The following SHISA9 variants were observed in gnomAD, a reference collection of about 807,000 sequenced individuals.
The protein encoded by SHISA9 is protein shisa-9.
SHISA9 carries 13 observed loss-of-function variants against 38.0 expected under a neutral mutation model. The ratio of observed to expected loss-of-function variants is 0.34; its 90% CI spans 0.22 to 0.54. The LOEUF (loss-of-function observed/expected upper bound fraction) is 0.54. Ranked by LOEUF, SHISA9 falls within the 20% of genes least tolerant of loss-of-function variation. The pLI, the probability that SHISA9 is intolerant of heterozygous loss-of-function variation, is 0.91. For synonymous variants in SHISA9, 275 were observed against 242.0 expected (o/e 1.14, Z -1.27); for missense variants, 538 against 575.8 (o/e 0.93, Z 0.67).
In SHISA9 at chr16:13,017,654, A is replaced by C. The variant is rs144718829; in HGVS notation, c.691+100839A>C. Among the ~76,000 whole-genome samples, 95 of 152,290 alleles carry C rather than the reference A, an allele frequency of 6.2e-4. 1 individual carries two copies. Among genetic ancestry groups the C allele is most frequent in the African/African-American group, 2.2e-3 (93 of 41,564 alleles). On this transcript the variant is annotated intron_variant, in intron 2 of 4. Coordinates refer to ENST00000558583, the MANE Select transcript of SHISA9 (RefSeq NM_001145204.3). The stretch of plus-strand genomic sequence containing the variant: ...CCATGGATTATCTCATTGAATCTTT[A>C]TTCAGTGTAGGTTATACATTATCCC...
the SHISA9 span, among the ~76,000 whole-genome samples, chr16:13,471,352 A>G: frequency 6.6e-6 from 1 of 152,198 alleles, no homozygotes; most frequent in Non-Finnish European, 1.5e-5. Context: ...ATTTATTAAC[A>G]TCCAAGCAAA....
chr16:13,188,652 G>A (rs890317224), intron 2 of SHISA9, among the ~76,000 whole-genome samples: 1 of 150,292 alleles, frequency 6.7e-6, no homozygotes, highest in East Asian at 2.0e-4. Context: ...AGGAAGTCGA[G>A]GGTGCTGTGA....
chr16:13,140,429 G>A (rs554912700), intron 2 of SHISA9, among the ~76,000 whole-genome samples: 11 of 152,018 alleles, frequency 7.2e-5, no homozygotes, highest in African/African-American at 2.2e-4. Flanking sequence ...CACCTGCCTT[G>A]GCCTCCCAAA....
the SHISA9 span, among the ~76,000 whole-genome samples, chr16:13,412,631 CTGAT>C: frequency 6.6e-6 from 1 of 151,996 alleles, no homozygotes; most frequent in Non-Finnish European, 1.5e-5. Flanking sequence ...CTGAGGCAGA[CTGAT>C]TGCTTGAGCC....
intron 2 of SHISA9, among the ~76,000 whole-genome samples, chr16:13,092,592 T>A (rs956069439): frequency 1.3e-5 from 2 of 152,226 alleles, no homozygotes; most frequent in African/African-American, 2.4e-5. Flanking sequence ...TGCGCTAGCA[T>A]TGAGCAAGGC....
At chr16:13,498,247 A>T in the SHISA9 span, among the ~76,000 whole-genome samples, 14 of 152,258 alleles carry the variant, frequency 9.2e-5, no homozygotes, top group South Asian at 2.1e-4. Flanking sequence ...ATAAACAAAA[A>T]TTTTTTTAAA....
chr16:13,558,884 G>T, the SHISA9 span, among the ~76,000 whole-genome samples: 1 of 152,140 alleles, frequency 6.6e-6, no homozygotes, highest in Non-Finnish European at 1.5e-5. Flanking sequence ...CATTTTTCAG[G>T]GCTCTGCACA....
At chr16:13,387,215 C>G in the SHISA9 span, among the ~76,000 whole-genome samples, 1 of 152,144 alleles carries the variant, frequency 6.6e-6, no homozygotes, top group African/African-American at 2.4e-5. Flanking sequence ...TGTTGGAGCC[C>G]TAATTCCTAG....
intron 2 of SHISA9, among the ~76,000 whole-genome samples, chr16:12,960,099 T>C (rs777303290): frequency 2.8e-4 from 42 of 152,190 alleles, no homozygotes; most frequent in Non-Finnish European, 5.6e-4. Context: ...ACTTGCGTGG[T>C]GTGCTCATTT....
At chr16:13,504,652 T>C in the SHISA9 span, among the ~76,000 whole-genome samples, 1 of 152,192 alleles carries the variant, frequency 6.6e-6, no homozygotes, top group African/African-American at 2.4e-5. Context: ...ACAGAGGAAT[T>C]TGAGTTCTGT....
chr16:13,518,981 T>C, the SHISA9 span, among the ~76,000 whole-genome samples: 6 of 152,294 alleles, frequency 3.9e-5, no homozygotes, highest in East Asian at 5.8e-4. Context: ...AGAGCACTCA[T>C]GGGCTGATCG....
At chr16:13,261,203 C>G in the SHISA9 span, among the ~76,000 whole-genome samples, 1 of 152,010 alleles carries the variant, frequency 6.6e-6, no homozygotes, top group African/African-American at 2.4e-5. Context: ...CATGAGGACT[C>G]TAGATGTGAA....
At chr16:13,077,570 G>A (rs1464971572) in intron 2 of SHISA9, among the ~76,000 whole-genome samples, 1 of 152,108 alleles carries the variant, frequency 6.6e-6, no homozygotes, top group Admixed American at 6.6e-5. Flanking sequence ...GAAAACTGGG[G>A]GATGGGGAAA....
At chr16:13,085,146 G>T (rs1020781624) in intron 2 of SHISA9, among the ~76,000 whole-genome samples, 8 of 152,102 alleles carry the variant, frequency 5.3e-5, no homozygotes, top group African/African-American at 1.9e-4. Context: ...CAATATGGTG[G>T]ACTCAACTGG....
the SHISA9 span, among the ~76,000 whole-genome samples, chr16:13,484,057 G>A: frequency 6.6e-6 from 1 of 152,136 alleles, no homozygotes; most frequent in African/African-American, 2.4e-5. Flanking sequence ...GGGCAGTCTT[G>A]GTAACTGAGC....
intron 2 of SHISA9, among the ~76,000 whole-genome samples, chr16:13,051,621 C>T (rs1444079640): frequency 6.6e-6 from 1 of 152,010 alleles, no homozygotes; most frequent in African/African-American, 2.4e-5. Context: ...CTAGGTAGGG[C>T]AAGATAGTTT....
At chr16:13,042,164 C>T (rs768679218) in intron 2 of SHISA9, among the ~76,000 whole-genome samples, 1 of 152,138 alleles carries the variant, frequency 6.6e-6, no homozygotes, top group African/African-American at 2.4e-5. Flanking sequence ...AGACAGTCTG[C>T]AAAACACAGT....
chr16:13,462,988 A>AAAT, the SHISA9 span, among the ~76,000 whole-genome samples: 7 of 132,138 alleles, frequency 5.3e-5, no homozygotes, highest in South Asian at 2.8e-4. Flanking sequence ...AATAAATAAA[A>AAAT]AATAAAAATA....
chr16:13,378,454 CCCTG>C, the SHISA9 span, among the ~76,000 whole-genome samples: 1 of 152,156 alleles, frequency 6.6e-6, no homozygotes, highest in African/African-American at 2.4e-5. Flanking sequence ...GTGTTATAAA[CCCTG>C]CCTGCGTCTT....
Sources: gnomAD v4.1 joint callset for allele counts (sites outside exome capture counted in the v4.1 genomes callset) on GRCh38, gnomAD v4.1.1 for gene constraint, MANE v1.5 for transcripts, NCBI Gene and HGNC (gene_info 2026-07-23, HGNC 2026-07-21) for gene names.